TIMP3: variants seen among roughly 807,000 people sequenced by gnomAD.
The protein encoded by TIMP3 is TIMP metallopeptidase inhibitor 3.
TIMP3 carries 11 observed loss-of-function variants against 30.0 expected under a neutral mutation model. The observed-to-expected ratio is 0.37, with a 90% CI of 0.23 to 0.61. TIMP3 has a LOEUF of 0.61. Ranked by LOEUF, TIMP3 falls within the 20% of genes least tolerant of loss-of-function variation. TIMP3 has a pLI of 0.70. For synonymous variants in TIMP3, 112 were observed against 111.3 expected, an observed-to-expected ratio of 1.01 and a Z score of -0.04; for missense variants, 181 against 276.8, an observed-to-expected ratio of 0.65 and a Z score of 2.45.
chr22:32,834,597 T>C (rs1336681174), intron 1 of TIMP3, among the ~76,000 whole-genome samples: 1 of 152,210 alleles, frequency 6.6e-6, no homozygotes, highest in Admixed American at 6.5e-5. Context: ...TGGCTGGTGC[T>C]GTGTATGTTT....
chr22:32,812,063 C>G (rs1278072483), intron 1 of TIMP3, among the ~76,000 whole-genome samples: 1 of 152,196 alleles, frequency 6.6e-6, no homozygotes, highest in African/African-American at 2.4e-5. Flanking sequence ...TCATCTGACT[C>G]TGGAGTCCCC....
At chr22:32,847,475 G>T (rs1452413168) in intron 1 of TIMP3, among the ~76,000 whole-genome samples, 1 of 152,182 alleles carries the variant, frequency 6.6e-6, no homozygotes, top group Non-Finnish European at 1.5e-5. Flanking sequence ...CGGCAGGGAA[G>T]GTCTGAAGGG....
chr22:32,822,015 C>A (rs974088114), intron 1 of TIMP3, among the ~76,000 whole-genome samples: 1 of 151,962 alleles, frequency 6.6e-6, no homozygotes, highest in Non-Finnish European at 1.5e-5. Context: ...ATTAGCCGGG[C>A]GTGGTGGCGC....
chr22:32,804,397 C>T (rs2046670344), intron 1 of TIMP3, among the ~76,000 whole-genome samples: 1 of 152,206 alleles, frequency 6.6e-6, no homozygotes, highest in African/African-American at 2.4e-5. Context: ...TGTCTATTCT[C>T]GCCCTCAAAC....
chr22:32,841,183 C>T lies in TIMP3; in HGVS notation c.122-8269C>T, dbSNP rs566169724. ...TGCCTGTTATGTGCCAGGCACTCTT[C>T]GGGCAGCTTTGGCTACAGCAATAGG... On this transcript the variant is annotated intron_variant, in intron 1 of 4. Coordinates refer to ENST00000266085, the MANE Select transcript of TIMP3 (RefSeq NM_000362.5). Among the ~76,000 whole-genome samples the T allele has an allele frequency of 3.3e-5, 5 of 152,328 alleles. No individual in the cohort carries two copies. The South Asian group carries it at 6.2e-4, about 19-fold the overall frequency.
chr22:32,860,119 A>G lies in TIMP3; in HGVS notation c.*742A>G, dbSNP rs2048495364. ...TTTCTTAGTTGGTGAAGACTTAAAC[A>G]TCTGCCTGAGGTCAGGAGGCAATTT... On this transcript the variant is annotated 3_prime_UTR_variant, in exon 5 of 5. Transcript: ENST00000266085. 6.6e-6 allele frequency: 1 copy of G among 152,236 alleles called. No homozygotes were observed. The highest frequency in any genetic ancestry group is 1.5e-5 in the Non-Finnish European group (1 of 68,042). The allele number at this position is 152,236 out of a possible 1,614,324, so 9.4% of individuals were successfully genotyped here. A position where few individuals can be genotyped will look rare whatever the true frequency, so the allele number is the denominator to read the frequency against.
intron 1 of TIMP3, among the ~76,000 whole-genome samples, chr22:32,843,003 A>G (rs2047957379): frequency 6.6e-6 from 1 of 152,166 alleles, no homozygotes; most frequent in Non-Finnish European, 1.5e-5. Context: ...AATGCAGTAA[A>G]ATTATGAACT....
intron 1 of TIMP3, among the ~76,000 whole-genome samples, chr22:32,817,861 G>A (rs112328617): frequency 0.024 from 3,674 of 152,226 alleles, 60 homozygotes; most frequent in South Asian, 0.038. Context: ...GGACATACCG[G>A]TGCAACCCCA....
intron 1 of TIMP3, among the ~76,000 whole-genome samples, chr22:32,808,250 C>T (rs892515310): frequency 2.0e-5 from 3 of 152,198 alleles, no homozygotes; most frequent in African/African-American, 7.2e-5. Flanking sequence ...GTTTTGAACA[C>T]ACATACACAG....
At chr22:32,844,287 T>G (rs764996754) in intron 1 of TIMP3, among the ~76,000 whole-genome samples, 3 of 152,186 alleles carry the variant, frequency 2.0e-5, no homozygotes, top group African/African-American at 4.8e-5. Flanking sequence ...ACAGCACATG[T>G]GCAATTTCTG....
chr22:32,815,233 G>A (rs2047057590), intron 1 of TIMP3, among the ~76,000 whole-genome samples: 1 of 152,216 alleles, frequency 6.6e-6, no homozygotes, highest in Admixed American at 6.5e-5. Context: ...AAGGCTCAGA[G>A]GCTACTGACA....
chr22:32,858,884 C>T (rs1601560125), intron 4 of TIMP3, among the ~76,000 whole-genome samples: 1 of 152,206 alleles, frequency 6.6e-6, no homozygotes, highest in East Asian at 1.9e-4. Flanking sequence ...AAAAAGTCCT[C>T]TCAGTAGTCT....
chr22:32,822,155 CA>C lies in TIMP3; in HGVS notation c.121+20052del, dbSNP rs35312009. Reference sequence around the variant, plus strand: ...GGGCAACAAGAGCAAAACTCCATCTCAAAAAAAAAAAAAAAAAAAGAAGTTG... The same window carrying C: ...GGGCAACAAGAGCAAAACTCCATCTCAAAAAAAAAAAAAAAAAAGAAGTTG... On this transcript the variant is annotated intron_variant, in intron 1 of 4. Coordinates refer to ENST00000266085, the MANE Select transcript of TIMP3 (RefSeq NM_000362.5). Among the ~76,000 whole-genome samples the C allele has an allele frequency of 6.2e-3, 674 of 108,272 alleles. 2 individuals are homozygous for C. Among genetic ancestry groups the C allele is most frequent in the African/African-American group, 0.016 (403 of 25,488 alleles). 71.0% of individuals were successfully genotyped at this position (108,272 alleles called of 152,430 possible). A position where few individuals can be genotyped will look rare whatever the true frequency, so the allele number is the denominator to read the frequency against.
At chr22:32,848,181 T>C (rs2048122714) in intron 1 of TIMP3, among the ~76,000 whole-genome samples, 1 of 152,356 alleles carries the variant, frequency 6.6e-6, no homozygotes, top group Non-Finnish European at 1.5e-5. Flanking sequence ...TCCTCTCCTC[T>C]TTCTGTTCCC....
intron 1 of TIMP3, among the ~76,000 whole-genome samples, chr22:32,826,465 A>T (rs2047416420): frequency 6.6e-6 from 1 of 152,144 alleles, no homozygotes; most frequent in African/African-American, 2.4e-5. Flanking sequence ...AAATTTAAAA[A>T]GGTAATAATG....
intron 2 of TIMP3, among the ~76,000 whole-genome samples, chr22:32,856,288 G>C (rs540551035): frequency 3.9e-5 from 6 of 152,114 alleles, no homozygotes; most frequent in Non-Finnish European, 7.4e-5. Flanking sequence ...ATGTGTAGCC[G>C]AAGGAGTGTT....
At position 32,859,174 on chromosome 22, in the gene TIMP3, T is replaced by G; in HGVS notation, c.439-6T>G. ...CCATCAACTGCTGCCTGTTATCTAA[T>G]TGCAGATCAAGTCCTGCTACTACCT... On this transcript the variant is annotated splice_region_variant and splice_polypyrimidine_tract_variant and intron_variant, in intron 4 of 4. Coordinates refer to ENST00000266085, the MANE Select transcript of TIMP3 (RefSeq NM_000362.5). The G allele has an allele frequency of 2.5e-6, 4 of 1,614,180 alleles. No individual in the cohort carries two copies. The highest frequency in any genetic ancestry group is 3.4e-6 in the Non-Finnish European group (4 of 1,180,010).
At chr22:32,848,086 C>T (rs922067631) in intron 1 of TIMP3, among the ~76,000 whole-genome samples, 2 of 152,208 alleles carry the variant, frequency 1.3e-5, no homozygotes, top group Non-Finnish European at 2.9e-5. Flanking sequence ...GCCAATTTTA[C>T]AAATACCTGA....
intron 1 of TIMP3, among the ~76,000 whole-genome samples, chr22:32,811,695 G>T (rs554595701): frequency 6.6e-6 from 1 of 152,196 alleles, no homozygotes; most frequent in African/African-American, 2.4e-5. Flanking sequence ...GGTGATTGGG[G>T]GGTCGGTCAT....
Sources: allele counts gnomAD v4.1 joint callset (sites outside exome capture counted in the v4.1 genomes callset), GRCh38; gene constraint gnomAD v4.1.1; transcripts MANE v1.5; gene names NCBI Gene and HGNC (gene_info 2026-07-23, HGNC 2026-07-21).